The following CSGALNACT1 variants were observed in gnomAD, a reference collection of about 807,000 sequenced individuals.
The protein encoded by CSGALNACT1 is beta4GalNAcT-1.
In CSGALNACT1, 52 loss-of-function variants were observed where a neutral mutation model predicts 51.0. The ratio of observed to expected loss-of-function variants is 1.02; its 90% CI spans 0.82 to 1.29. The LOEUF is 1.29. CSGALNACT1 is among the 50% of genes most tolerant of loss of function. CSGALNACT1 has a pLI of 0.00. For synonymous variants in CSGALNACT1, 341 were observed against 254.4 expected, an observed-to-expected ratio of 1.34 and a Z score of -3.24; for missense variants, 935 against 679.2, an observed-to-expected ratio of 1.38 and a Z score of -4.19.
At chr8:19,448,625 A>G (rs941148018) in intron 5 of CSGALNACT1, among the ~76,000 whole-genome samples, 30 of 152,124 alleles carry the variant, frequency 2.0e-4, no homozygotes, top group Non-Finnish European at 4.4e-5. Context: ...GGGACTGAGG[A>G]GGAGGGGGAT....
chr8:19,444,724 G>C (rs186472373), intron 5 of CSGALNACT1, among the ~76,000 whole-genome samples: 4 of 152,320 alleles, frequency 2.6e-5, no homozygotes, highest in Admixed American at 2.0e-4. Flanking sequence ...CACAGCAATA[G>C]AAGACACGGT....
chr8:19,415,755 A>C (rs2153685904), intron 8 of CSGALNACT1, among the ~76,000 whole-genome samples: 1 of 152,368 alleles, frequency 6.6e-6, no homozygotes, highest in Non-Finnish European at 1.5e-5. Flanking sequence ...CTTAAACCCA[A>C]AGGAACTTTA....
At chr8:19,664,930 C>A (rs1476014471) in intron 1 of CSGALNACT1, among the ~76,000 whole-genome samples, 1 of 152,134 alleles carries the variant, frequency 6.6e-6, no homozygotes, top group Non-Finnish European at 1.5e-5. Context: ...GTAATGGGTA[C>A]AATGTATACT....
At chr8:19,653,383 T>C (rs565459442) in intron 1 of CSGALNACT1, among the ~76,000 whole-genome samples, 184 of 152,274 alleles carry the variant, frequency 1.2e-3, no homozygotes, top group African/African-American at 4.2e-3. Flanking sequence ...ACTGGTCCCA[T>C]TGTCCCCCTC....
At position 19,458,414 on chromosome 8, in the gene CSGALNACT1, G is replaced by GA; in HGVS notation, c.851+11dup. Reference sequence around the variant, plus strand: ...CATGCGGAGGAAGATAAACACGTGCGAACAAACCAACCTGAAATTCTGCAT... The same window carrying GA: ...CATGCGGAGGAAGATAAACACGTGCGAAACAAACCAACCTGAAATTCTGCAT... On this transcript the variant is annotated intron_variant, in intron 5 of 9. Transcript: ENST00000454498. The GA allele has an allele frequency of 6.2e-7, 1 of 1,610,478 alleles. No individual in the cohort carries two copies. The highest frequency in any genetic ancestry group is 1.1e-5 in the South Asian group (1 of 90,970).
At chr8:19,459,374 CTT>C (rs1491303810) in intron 4 of CSGALNACT1, among the ~76,000 whole-genome samples, 1 of 114,880 alleles carries the variant, frequency 8.7e-6, no homozygotes, top group Non-Finnish European at 1.7e-5. Context: ...CAGAGCGAAA[CTT>C]TATCTCAAAA....
intron 2 of CSGALNACT1, among the ~76,000 whole-genome samples, chr8:19,596,458 A>G (rs1458442887): frequency 2.0e-5 from 3 of 152,120 alleles, no homozygotes; most frequent in Non-Finnish European, 2.9e-5. Flanking sequence ...CTTAATCACA[A>G]AAGTAATTTT....
intron 3 of CSGALNACT1, among the ~76,000 whole-genome samples, chr8:19,547,048 G>A (rs2086639138): frequency 6.6e-6 from 1 of 152,168 alleles, no homozygotes. Context: ...GTGTCTCACA[G>A]TAGACTCTCC....
chr8:19,492,266 T>G (rs1172898160), intron 4 of CSGALNACT1, among the ~76,000 whole-genome samples: 1 of 152,214 alleles, frequency 6.6e-6, no homozygotes, highest in African/African-American at 2.4e-5. Context: ...TGCTAGGCTA[T>G]GCCTGGGACA....
intron 4 of CSGALNACT1, among the ~76,000 whole-genome samples, chr8:19,462,755 A>G (rs762602207): frequency 6.6e-6 from 1 of 152,108 alleles, no homozygotes; most frequent in African/African-American, 2.4e-5. Flanking sequence ...ATACTCTGCT[A>G]ATTATTTTCA....
At chr8:19,700,500 A>G (rs2061806513) in intron 1 of CSGALNACT1, among the ~76,000 whole-genome samples, 1 of 152,212 alleles carries the variant, frequency 6.6e-6, no homozygotes, top group Non-Finnish European at 1.5e-5. Context: ...AAAATATGAT[A>G]GAAAGGATAC....
intron 3 of CSGALNACT1, among the ~76,000 whole-genome samples, chr8:19,556,883 A>G (rs894406647): frequency 6.6e-6 from 1 of 151,986 alleles, no homozygotes; most frequent in African/African-American, 2.4e-5. Flanking sequence ...GTAGACATTT[A>G]AAGTAAATCA....
chr8:19,477,583 C>T (rs554144820), intron 4 of CSGALNACT1, among the ~76,000 whole-genome samples: 2 of 152,296 alleles, frequency 1.3e-5, no homozygotes, highest in Admixed American at 6.5e-5. Flanking sequence ...GAGACATAAA[C>T]TCTAACTTAT....
intron 1 of CSGALNACT1, among the ~76,000 whole-genome samples, chr8:19,718,645 C>T (rs952423697): frequency 2.0e-5 from 3 of 152,090 alleles, no homozygotes; most frequent in Non-Finnish European, 4.4e-5. Context: ...AAAAACATTG[C>T]TTTGATCATG....
chr8:19,536,665 T>A (rs369252527), intron 3 of CSGALNACT1, among the ~76,000 whole-genome samples: 1 of 152,206 alleles, frequency 6.6e-6, no homozygotes, highest in Admixed American at 6.5e-5. Context: ...ATGAAGATTA[T>A]AGAATCTACG....
chr8:19,513,373 C>T, intron 3 of CSGALNACT1, among the ~76,000 whole-genome samples: 1 of 148,804 alleles, frequency 6.7e-6, no homozygotes. Flanking sequence ...GCTCCCAATT[C>T]CTACACCCAG....
intron 3 of CSGALNACT1, among the ~76,000 whole-genome samples, chr8:19,523,846 C>T (rs1298565966): frequency 1.3e-5 from 2 of 151,668 alleles, no homozygotes; most frequent in African/African-American, 2.4e-5. Context: ...CAGTCATTCG[C>T]GATATAAACA....
chr8:19,670,489 G>A (rs2059705662), intron 1 of CSGALNACT1, among the ~76,000 whole-genome samples: 1 of 151,536 alleles, frequency 6.6e-6, no homozygotes, highest in Admixed American at 6.6e-5. Flanking sequence ...CATACATAAT[G>A]CCTTCTAAGG....
chr8:19,435,310 T>C (rs1048735511), intron 6 of CSGALNACT1, among the ~76,000 whole-genome samples: 1 of 152,132 alleles, frequency 6.6e-6, no homozygotes, highest in African/African-American at 2.4e-5. Flanking sequence ...CTGGCCAACT[T>C]GGTGAAACCC....
Sources: allele counts gnomAD v4.1 joint callset (sites outside exome capture counted in the v4.1 genomes callset), GRCh38; gene constraint gnomAD v4.1.1; transcripts MANE v1.5; gene names NCBI Gene and HGNC (gene_info 2026-07-23, HGNC 2026-07-21).